Variants in ERBB4 observed in about 807,000 individuals in gnomAD.
The protein encoded by ERBB4 is receptor tyrosine-protein kinase erbB-4.
Under a neutral mutation model 158.0 loss-of-function variants are expected in ERBB4, and 42 were observed. The observed-to-expected ratio is 0.27, with a 90% confidence interval of 0.21 to 0.34. The LOEUF is 0.34. Ranked by LOEUF, ERBB4 falls within the 10% of genes least tolerant of loss-of-function variation. The pLI is 1.00. For missense variants in ERBB4, 1,333 were observed against 1,624.1 expected (o/e 0.82, Z 3.08); for synonymous variants, 583 against 558.7 (o/e 1.04, Z -0.61).
intron 3 of ERBB4, among the ~76,000 whole-genome samples, chr2:211,801,790 T>C (rs913012786): frequency 3.3e-5 from 5 of 152,216 alleles, no homozygotes; most frequent in African/African-American, 1.2e-4. Flanking sequence ...AAAGAGTATC[T>C]TGTATACATT....
chr2:211,509,850 C>G (rs564305820), intron 20 of ERBB4, among the ~76,000 whole-genome samples: 1 of 152,194 alleles, frequency 6.6e-6, no homozygotes, highest in South Asian at 2.1e-4. Flanking sequence ...AAATGACCAA[C>G]ATCACTAATC....
At chr2:212,125,394 C>A (rs1416145927) in intron 1 of ERBB4, among the ~76,000 whole-genome samples, 2 of 152,166 alleles carry the variant, frequency 1.3e-5, no homozygotes, top group Admixed American at 1.3e-4. Flanking sequence ...TACAAGACCT[C>A]AAACATGCGT....
At chr2:212,138,583 T>TA (rs969249341) in intron 1 of ERBB4, among the ~76,000 whole-genome samples, 2 of 152,092 alleles carry the variant, frequency 1.3e-5, no homozygotes, top group African/African-American at 2.4e-5. Flanking sequence ...TCCAGAATTA[T>TA]AAAAAAACAC....
intron 2 of ERBB4, among the ~76,000 whole-genome samples, chr2:212,029,474 A>C (rs2076851173): frequency 6.6e-6 from 1 of 152,262 alleles, no homozygotes; most frequent in Middle Eastern, 3.4e-3. Flanking sequence ...CCTATTGTCT[A>C]GATTATAAAG....
In ERBB4 at chr2:212,209,481, C is replaced by A. The variant is rs115122218; in HGVS notation, c.83-84578G>T. Among the ~76,000 whole-genome samples, 1,292 of 152,160 alleles carry A rather than the reference C, an allele frequency of 8.5e-3. 22 individuals carry two copies. The highest frequency in any genetic ancestry group is 0.03 in the African/African-American group (1,231 of 41,524). ...TACTCCTGACATTCCACAGTGGGTA[C>A]ATTTTGCTCGTCTACTCTCAGTGAT... On this transcript the variant is annotated intron_variant, in intron 1 of 27. Transcript: ENST00000342788.
At chr2:212,163,375 AC>A (rs76095081) in intron 1 of ERBB4, among the ~76,000 whole-genome samples, 14,991 of 152,094 alleles carry the variant, frequency 0.099, 1,072 homozygotes, top group South Asian at 0.3. Context: ...AAGGAACTAA[AC>A]AAAACATTGT....
chr2:212,209,228 T>A (rs1233086293), intron 1 of ERBB4, among the ~76,000 whole-genome samples: 1 of 152,196 alleles, frequency 6.6e-6, no homozygotes, highest in Non-Finnish European at 1.5e-5. Flanking sequence ...TGAAACATTC[T>A]CCTTACTTAA....
chr2:211,743,000 G>A (rs2074846835), intron 5 of ERBB4, among the ~76,000 whole-genome samples: 1 of 152,068 alleles, frequency 6.6e-6, no homozygotes, highest in African/African-American at 2.4e-5. Context: ...TTTGGTTAAA[G>A]TAATGCATTA....
intron 19 of ERBB4, among the ~76,000 whole-genome samples, chr2:211,574,626 A>T (rs1016183409): frequency 6.6e-6 from 1 of 152,236 alleles, no homozygotes; most frequent in African/African-American, 2.4e-5. Flanking sequence ...GGAGTTTCTC[A>T]TGAAGAGGAT....
chr2:212,170,716 G>A (rs1038750271), intron 1 of ERBB4, among the ~76,000 whole-genome samples: 8 of 152,204 alleles, frequency 5.3e-5, no homozygotes, highest in East Asian at 1.9e-4. Flanking sequence ...GTCATTGCCC[G>A]AGCCTTGGTG....
At chr2:212,401,804 A>AT (rs2091214367) in intron 1 of ERBB4, among the ~76,000 whole-genome samples, 1 of 152,130 alleles carries the variant, frequency 6.6e-6, no homozygotes, top group Non-Finnish European at 1.5e-5. Context: ...AAAGGCCACA[A>AT]ACATAATTAT....
At chr2:211,561,810 G>T in intron 20 of ERBB4, 93 bp downstream of exon 20, 2 of 1,100,360 alleles carry the variant, frequency 1.8e-6, no homozygotes, top group South Asian at 1.3e-5. Context: ...TTATTTAAAT[G>T]GGAAGACAAC....
intron 19 of ERBB4, among the ~76,000 whole-genome samples, chr2:211,592,480 G>A (rs1275103899): frequency 6.6e-6 from 1 of 152,160 alleles, no homozygotes; most frequent in Non-Finnish European, 1.5e-5. Context: ...CAGTAAATGT[G>A]TTATTTATAT....
In ERBB4 at chr2:211,923,712, GTTGTA is replaced by G. The variant is rs113673706; in HGVS notation, c.421+23713_421+23717del. The stretch of plus-strand genomic sequence containing the variant: ...TTTTTAGAGGTTGCTCATAATCTAA[GTTGTA>G]TTGTATTGTATTGTATTGTATTGAG... On this transcript the variant is annotated intron_variant, in intron 3 of 27. Coordinates refer to ENST00000342788, the MANE Select transcript of ERBB4 (RefSeq NM_005235.3). 7.0e-3 allele frequency among the ~76,000 whole-genome samples: 1,069 copies of G among 151,668 alleles called. 14 individuals are homozygous for G. Among genetic ancestry groups the G allele is most frequent in the African/African-American group, 0.024 (967 of 41,138 alleles).
chr2:211,978,661 C>A (rs1263379866), intron 2 of ERBB4, among the ~76,000 whole-genome samples: 1 of 152,112 alleles, frequency 6.6e-6, no homozygotes, highest in Non-Finnish European at 1.5e-5. Flanking sequence ...GGTTAAGAAA[C>A]ACTGTGTAAA....
rs187371373 is a variant in ERBB4, at chr2:211,453,174, A to T, written c.2488-22074T>A. On this transcript the variant is annotated intron_variant, in intron 20 of 27. Coordinates refer to ENST00000342788, the MANE Select transcript of ERBB4 (RefSeq NM_005235.3). ...TAATGCTTTCAGCAATGAAATGGTA[A>T]CACCTCAAGAAAAGGGTAAATTAAC... 7.2e-5 allele frequency among the ~76,000 whole-genome samples: 11 copies of T among 152,350 alleles called. No individual in the cohort carries two copies. In the East Asian group the frequency reaches 2.1e-3, roughly 29 times the overall value.
At chr2:211,517,180 C>G (rs903318155) in intron 20 of ERBB4, among the ~76,000 whole-genome samples, 1 of 152,032 alleles carries the variant, frequency 6.6e-6, no homozygotes, top group Non-Finnish European at 1.5e-5. Context: ...AACTTTGGTT[C>G]TAGCACCAAA....
At chr2:211,557,765 G>T (rs1028235425) in intron 20 of ERBB4, among the ~76,000 whole-genome samples, 11 of 152,092 alleles carry the variant, frequency 7.2e-5, no homozygotes, top group African/African-American at 2.7e-4. Flanking sequence ...TCACCTTCCT[G>T]GGTATATACC....
intron 1 of ERBB4, among the ~76,000 whole-genome samples, chr2:212,517,539 A>G (rs547383527): frequency 1.3e-5 from 2 of 152,208 alleles, no homozygotes; most frequent in African/African-American, 2.4e-5. Flanking sequence ...GGTAAGTTCA[A>G]TGTAGTAAAA....
Sources: allele counts gnomAD v4.1 joint callset (sites outside exome capture counted in the v4.1 genomes callset), GRCh38; gene constraint gnomAD v4.1.1; transcripts MANE v1.5; gene names NCBI Gene and HGNC (gene_info 2026-07-23, HGNC 2026-07-21).